The following IMMP2L variants were observed in gnomAD, a reference collection of about 807,000 sequenced individuals.
IMMP2L encodes mitochondrial inner membrane protease subunit 2.
Under a neutral mutation model 19.3 loss-of-function variants are expected in IMMP2L, and 18 were observed. The ratio of observed to expected loss-of-function variants is 0.93; its 90% CI spans 0.64 to 1.38. The LOEUF (loss-of-function observed/expected upper bound fraction) is 1.38, where lower values mean the gene tolerates loss of function less well. Ranked by LOEUF, IMMP2L falls within the 40% of genes most tolerant of loss-of-function variation. The pLI, the probability that IMMP2L is intolerant of heterozygous loss-of-function variation, is 0.00. For missense variants in IMMP2L, 233 were observed against 218.2 expected, an observed-to-expected ratio of 1.07 and a Z score of -0.43; for synonymous variants, 76 against 73.0, an observed-to-expected ratio of 1.04 and a Z score of -0.21.
chr7:111,175,118 T>A (rs1256034009), intron 3 of IMMP2L, among the ~76,000 whole-genome samples: 1 of 151,886 alleles, frequency 6.6e-6, no homozygotes, highest in Admixed American at 6.6e-5. Context: ...TTGCATTATG[T>A]ATTCCGGCTT....
At chr7:111,400,825 A>G (rs545171841) in intron 3 of IMMP2L, among the ~76,000 whole-genome samples, 17 of 152,218 alleles carry the variant, frequency 1.1e-4, no homozygotes, top group African/African-American at 3.8e-4. Flanking sequence ...AAAATGCCTC[A>G]AGAGTATTAG....
chr7:111,007,647 G>A (rs542806266), intron 3 of IMMP2L, among the ~76,000 whole-genome samples: 3 of 151,908 alleles, frequency 2.0e-5, no homozygotes, highest in South Asian at 4.2e-4. Flanking sequence ...TACCACTGAC[G>A]TGTACGTATG....
chr7:111,053,292 T>C (rs965784626), intron 3 of IMMP2L, among the ~76,000 whole-genome samples: 2 of 152,188 alleles, frequency 1.3e-5, no homozygotes, highest in East Asian at 3.9e-4. Flanking sequence ...GGGTGGGCTG[T>C]CCACATGTGC....
chr7:110,969,601 G>A (rs954317324), intron 3 of IMMP2L, among the ~76,000 whole-genome samples: 11 of 152,176 alleles, frequency 7.2e-5, no homozygotes, highest in South Asian at 2.1e-4. Context: ...TTTTCTAGAA[G>A]GGGAAGGAAA....
At chr7:111,516,556 C>G (rs1397486036) in intron 2 of IMMP2L, among the ~76,000 whole-genome samples, 2 of 151,916 alleles carry the variant, frequency 1.3e-5, no homozygotes, top group African/African-American at 2.4e-5. Flanking sequence ...ATTTAAATAA[C>G]AGATATAACC....
At chr7:111,167,136 T>A (rs1415915744) in intron 3 of IMMP2L, among the ~76,000 whole-genome samples, 1 of 151,970 alleles carries the variant, frequency 6.6e-6, no homozygotes, top group African/African-American at 2.4e-5. Flanking sequence ...GATCTCTTAT[T>A]TACCACTTTA....
chr7:111,418,256 G>C (rs886326312), intron 3 of IMMP2L, among the ~76,000 whole-genome samples: 1 of 150,806 alleles, frequency 6.6e-6, no homozygotes, highest in Non-Finnish European at 1.5e-5. Flanking sequence ...TTTTTTTTAG[G>C]AGGGCTGCCT....
chr7:110,880,555 T>G (rs1809535967), intron 5 of IMMP2L, among the ~76,000 whole-genome samples: 1 of 152,090 alleles, frequency 6.6e-6, no homozygotes. Flanking sequence ...AAACTTTGAA[T>G]CTCAATATAT....
intron 3 of IMMP2L, among the ~76,000 whole-genome samples, chr7:111,423,134 G>T (rs1489841179): frequency 2.6e-5 from 4 of 151,786 alleles, no homozygotes; most frequent in Admixed American, 2.0e-4. Flanking sequence ...ATTTTATTGA[G>T]GATTTCTGCA....
intron 1 of IMMP2L, among the ~76,000 whole-genome samples, chr7:111,556,212 T>C (rs952933603): frequency 6.6e-6 from 1 of 151,358 alleles, no homozygotes. Flanking sequence ...CAGCCATGTA[T>C]AATGAAAGAG....
At chr7:111,521,109 T>C (rs1224501517) in intron 2 of IMMP2L, among the ~76,000 whole-genome samples, 1 of 152,128 alleles carries the variant, frequency 6.6e-6, no homozygotes, top group Non-Finnish European at 1.5e-5. Context: ...GAACTGATAG[T>C]TACTTTTATT....
At chr7:111,343,662 A>C (rs1011263902) in intron 3 of IMMP2L, among the ~76,000 whole-genome samples, 1 of 152,100 alleles carries the variant, frequency 6.6e-6, no homozygotes, top group African/African-American at 2.4e-5. Context: ...TTTTTAATAC[A>C]TGAGTGAAAG....
chr7:111,438,016 A>T (rs1837356856), intron 3 of IMMP2L, among the ~76,000 whole-genome samples: 2 of 151,934 alleles, frequency 1.3e-5, no homozygotes, highest in African/African-American at 4.9e-5. Flanking sequence ...CAACATTTTC[A>T]ATTCCTAAAT....
At chr7:110,761,816 T>C (rs1747817214) in intron 5 of IMMP2L, among the ~76,000 whole-genome samples, 1 of 152,182 alleles carries the variant, frequency 6.6e-6, no homozygotes, top group South Asian at 2.1e-4. Context: ...CCATGCTGAG[T>C]ATAAATCACA....
At position 110,793,926 on chromosome 7, in the gene IMMP2L, T is replaced by A. The variant is rs139705156; in HGVS notation, c.408+92667A>T. On this transcript the variant is annotated intron_variant, in intron 5 of 5. Transcript: ENST00000405709. ...ACATGAAAAGGTGTCCAACATGATATGTCATCAGGGAATTGGAAATGAAAA... is the reference window on the plus strand; with the variant it reads ...ACATGAAAAGGTGTCCAACATGATAAGTCATCAGGGAATTGGAAATGAAAA... 3.4e-3 allele frequency among the ~76,000 whole-genome samples: 518 copies of A among 152,228 alleles called. 3 individuals carry two copies. Among genetic ancestry groups the A allele is most frequent in the African/African-American group, 0.012 (488 of 41,544 alleles).
intron 3 of IMMP2L, among the ~76,000 whole-genome samples, chr7:110,981,600 T>C (rs757643392): frequency 6.6e-6 from 1 of 152,064 alleles, no homozygotes; most frequent in South Asian, 2.1e-4. Context: ...ATAAGTAGTG[T>C]TTGAGAGTTG....
chr7:111,334,601 T>TA (rs1334949743), intron 3 of IMMP2L, among the ~76,000 whole-genome samples: 1 of 152,048 alleles, frequency 6.6e-6, no homozygotes, highest in Non-Finnish European at 1.5e-5. Context: ...TTCAGGGTAA[T>TA]AAGCTAATTT....
chr7:111,445,484 A>T (rs1425643347), intron 3 of IMMP2L, among the ~76,000 whole-genome samples: 1 of 152,144 alleles, frequency 6.6e-6, no homozygotes, highest in Non-Finnish European at 1.5e-5. Context: ...ATCATACAAG[A>T]TCATGATGAA....
At chr7:111,093,881 G>T (rs1797125905) in intron 3 of IMMP2L, among the ~76,000 whole-genome samples, 1 of 152,000 alleles carries the variant, frequency 6.6e-6, no homozygotes, top group South Asian at 2.1e-4. Context: ...TTTTTTCAGG[G>T]TGTCGCTTGT....
Sources: allele counts gnomAD v4.1 joint callset (sites outside exome capture counted in the v4.1 genomes callset), GRCh38; gene constraint gnomAD v4.1.1; transcripts MANE v1.5; gene names NCBI Gene and HGNC (gene_info 2026-07-23, HGNC 2026-07-21).